RAI1: variants seen among roughly 807,000 people sequenced by gnomAD.
RAI1 encodes the protein retinoic acid-induced protein 1.
Under a neutral mutation model 123.8 loss-of-function variants are expected in RAI1, and 9 were observed. The ratio of observed to expected loss-of-function variants is 0.07; its 90% CI spans 0.04 to 0.13. The LOEUF (loss-of-function observed/expected upper bound fraction) is 0.13, where lower values mean the gene tolerates loss of function less well. RAI1 is among the 10% of genes least tolerant of loss of function. The probability of loss-of-function intolerance (pLI) is 1.00; values close to 1 mark genes in which losing one functional copy is unlikely to be tolerated. For missense variants in RAI1, 2,256 were observed against 2,545.8 expected (o/e 0.89, Z 2.45); for synonymous variants, 1,231 against 1,127.3 (o/e 1.09, Z -1.84).
rs370438752 is a variant in RAI1, at chr17:17,796,284, G to A, written c.3336G>A (p.Pro1112=). The part of the protein sequence containing the change: ...SPKAASSPSN[P]AALPVASDSS... ...AGGCTGCCTCCAGCCCCAGCAACCCGGCCGCCCTGCCTGTGGCCTCCGACA... is the reference window on the plus strand; with the variant it reads ...AGGCTGCCTCCAGCCCCAGCAACCCAGCCGCCCTGCCTGTGGCCTCCGACA... Residue 1112 remains proline, a synonymous_variant, in exon 3 of 6, where the codon CCG becomes CCA. Coordinates refer to ENST00000353383, the MANE Select transcript of RAI1 (RefSeq NM_030665.4). The surrounding 1 kb of genome is among the most constrained non-coding windows in gnomAD (Gnocchi z 5.8). The A allele has an allele frequency of 2.9e-5, 47 of 1,600,164 alleles. No individual in the cohort carries two copies. The highest frequency in any genetic ancestry group is 1.7e-4 in the Middle Eastern group (1 of 6,032).
Position 17,809,293 on chromosome 17 carries a change from C to T in RAI1, c.5660-97C>T. On this transcript the variant is annotated intron_variant, in intron 4 of 5. Transcript: ENST00000353383. This position sits in a 1 kb window ranked among gnomAD's most constrained non-coding sequence, Gnocchi z 4.9. ...AAAGAGCCCCTGCAGTCTGGAGCCT[C>T]GCGGGCAGTGCGGCTCCCCTCCTGG... 1.9e-6 allele frequency: 2 copies of T among 1,047,454 alleles called. No individual in the cohort carries two copies. Among genetic ancestry groups the T allele is most frequent in the South Asian group, 2.5e-5 (2 of 79,692 alleles). 64.9% of individuals were successfully genotyped at this position (1,047,454 alleles called of 1,614,324 possible).
Position 17,685,490 on chromosome 17 carries a change from G to A in RAI1, c.-149+3697G>A, listed in dbSNP as rs537808639. Reference sequence around the variant, plus strand: ...GTGAGAGGAGCATTCCTGGCAGAGGGAACACAGTGAGCAGAGCGAGTCTTT... The same window carrying A: ...GTGAGAGGAGCATTCCTGGCAGAGGAAACACAGTGAGCAGAGCGAGTCTTT... On this transcript the variant is annotated intron_variant, in intron 1 of 5. Transcript: ENST00000353383. This position sits in a 1 kb window ranked among gnomAD's most constrained non-coding sequence, Gnocchi z 4.0. Among the ~76,000 whole-genome samples the A allele has an allele frequency of 1.1e-4, 16 of 152,346 alleles. No homozygotes were observed. Among genetic ancestry groups the A allele is most frequent in the African/African-American group, 3.8e-4 (16 of 41,574 alleles).
At chr17:17,749,252 C>T (rs1236685663) in intron 2 of RAI1, among the ~76,000 whole-genome samples, 1 of 152,214 alleles carries the variant, frequency 6.6e-6, no homozygotes, top group Non-Finnish European at 1.5e-5. Flanking sequence ...ATAGCTCTCC[C>T]GGCTGGAGAC....
chr17:17,721,052 A>G (rs1915866118), intron 1 of RAI1, among the ~76,000 whole-genome samples: 1 of 151,460 alleles, frequency 6.6e-6, no homozygotes, highest in Non-Finnish European at 1.5e-5. Flanking sequence ...GTACTCACTG[A>G]GCGACCTGGA....
In RAI1 at chr17:17,796,790, C is replaced by G. The variant is rs766014989; in HGVS notation, c.3842C>G (p.Pro1281Arg). The change falls in exon 3 of 6, where the codon CCC becomes CGC. Residue 1281 changes from proline to arginine, a missense_variant. This residue lies in a region of RAI1 where 322 missense variants were observed against 358.0 expected (regional missense o/e 0.90). Transcript: ENST00000353383. The surrounding 1 kb of genome is among the most constrained non-coding windows in gnomAD (Gnocchi z 5.8). ...ATGTCTTCTCCCAAGAAAGCCAAGC[C>G]CACCAAGGGCAATGGCGAGCCTGCC... ...KRMSSPKKAK[P>R]TKGNGEPATK... The G allele has an allele frequency of 2.0e-5, 32 of 1,612,446 alleles. No individual in the cohort carries two copies. The highest frequency in any genetic ancestry group is 2.4e-5 in the Non-Finnish European group (28 of 1,179,424).
rs544401162 is a variant in RAI1, at chr17:17,690,552, G to A, written c.-149+8759G>A. 6.6e-5 allele frequency among the ~76,000 whole-genome samples: 10 copies of A among 152,256 alleles called. No homozygotes were observed. The East Asian group carries it at 1.2e-3, about 18-fold the overall frequency. On this transcript the variant is annotated intron_variant, in intron 1 of 5. Transcript: ENST00000353383. ...GCCCGTTTCCTCCTTCATCAAAGGC[G>A]AAAGTAATAGTACCTATTTCATAGT...
intron 1 of RAI1, among the ~76,000 whole-genome samples, chr17:17,721,134 T>C (rs1915868759): frequency 6.6e-6 from 1 of 152,046 alleles, no homozygotes; most frequent in South Asian, 2.1e-4. Flanking sequence ...CAGGTGAGTC[T>C]TCCGACATGT....
intron 1 of RAI1, among the ~76,000 whole-genome samples, chr17:17,695,588 G>T (rs1258360982): frequency 6.6e-6 from 1 of 150,866 alleles, no homozygotes; most frequent in Admixed American, 6.6e-5. Context: ...GTGCAGTGGC[G>T]TAATCTCCGC....
intron 1 of RAI1, among the ~76,000 whole-genome samples, chr17:17,696,860 T>C (rs1416791136): frequency 6.6e-6 from 1 of 152,218 alleles, no homozygotes; most frequent in East Asian, 1.9e-4. Context: ...ATTCGGGGCC[T>C]CCTTTGCCTG....
chr17:17,797,608 A>G lies in RAI1; in HGVS notation c.4660A>G (p.Lys1554Glu), dbSNP rs1253450554. 1 of 1,613,948 alleles carries G rather than the reference A, an allele frequency of 6.2e-7. No individual in the cohort carries two copies. Among genetic ancestry groups the G allele is most frequent in the South Asian group, 1.1e-5 (1 of 91,084 alleles). ...RAKNTTSSPC[K>E]GRAKRRRQQQ... is the part of the protein sequence containing the mutation. ...CAAGAACACCACCTCTTCACCCTGTAAGGGGCGTGCCAAGCGACGACGACA... is the reference window on the plus strand; with the variant it reads ...CAAGAACACCACCTCTTCACCCTGTGAGGGGCGTGCCAAGCGACGACGACA... Residue 1554 changes from lysine to glutamate, a missense_variant, in exon 3 of 6, where the codon AAG becomes GAG. Around this residue, in one of 7 missense-constraint regions of RAI1, gnomAD observed 410 missense variants for 374.6 expected, o/e 1.09. Transcript: ENST00000353383.
Position 17,796,431 on chromosome 17 carries a change from G to T in RAI1, c.3483G>T (p.Arg1161=), listed in dbSNP as rs2032252429. Residue 1161 remains arginine (R), a synonymous_variant, in exon 3 of 6, where the codon CGG becomes CGT. Coordinates refer to ENST00000353383, the MANE Select transcript of RAI1 (RefSeq NM_030665.4). The surrounding 1 kb of genome is among the most constrained non-coding windows in gnomAD (Gnocchi z 5.8). Reference sequence around the variant, plus strand: ...AGGAGATCTTCCACTCCAAGCGGCGGAGGCCCTCTGAGGGCCGGCTCCCCA... The same window carrying T: ...AGGAGATCTTCCACTCCAAGCGGCGTAGGCCCTCTGAGGGCCGGCTCCCCA... The part of the protein sequence containing the change: ...KTQEIFHSKR[R]RPSEGRLPNC... 1 of 1,613,328 alleles carries T rather than the reference G, an allele frequency of 6.2e-7. No individual in the cohort carries two copies. Among genetic ancestry groups the T allele is most frequent in the South Asian group, 1.1e-5 (1 of 91,072 alleles).
At chr17:17,763,217 C>T (rs920310732) in intron 2 of RAI1, among the ~76,000 whole-genome samples, 2 of 152,166 alleles carry the variant, frequency 1.3e-5, no homozygotes, top group African/African-American at 2.4e-5. Context: ...TAAGACACGC[C>T]GCATTTTCAG....
chr17:17,736,072 G>A (rs900606573), intron 2 of RAI1, among the ~76,000 whole-genome samples: 2 of 152,180 alleles, frequency 1.3e-5, no homozygotes. Flanking sequence ...GTTGAGTGTG[G>A]ATATCCATGT....
At chr17:17,681,832 T>C (rs117908897) in intron 1 of RAI1, 39 bp downstream of exon 1, 136,334 of 278,798 alleles carry the variant, frequency 0.49, 35,506 homozygotes, top group African/African-American at 0.66. Flanking sequence ...GCGCAGTGTA[T>C]CCTGCCCCGG....
At chr17:17,682,809 C>T (rs117550277) in intron 1 of RAI1, among the ~76,000 whole-genome samples, 3,504 of 152,056 alleles carry the variant, frequency 0.023, 126 homozygotes, top group East Asian at 0.13. Flanking sequence ...GGCCGGAGTG[C>T]GGGCTGCCGC....
intron 2 of RAI1, among the ~76,000 whole-genome samples, chr17:17,775,992 C>T (rs912402066): frequency 1.3e-5 from 2 of 152,240 alleles, no homozygotes; most frequent in African/African-American, 4.8e-5. Context: ...CTGCTGCGTC[C>T]CCCAAAGCTG....
chr17:17,796,506 A>G lies in RAI1; in HGVS notation c.3558A>G (p.Thr1186=), dbSNP rs148777704. 123 of 1,611,146 alleles carry G rather than the reference A, an allele frequency of 7.6e-5. No individual in the cohort carries two copies. Among genetic ancestry groups the G allele is most frequent in the Non-Finnish European group, 1.0e-4 (119 of 1,179,820 alleles). The change falls in exon 3 of 6, where the codon ACA becomes ACG. Residue 1186 remains threonine (T), a synonymous_variant. Coordinates refer to ENST00000353383, the MANE Select transcript of RAI1 (RefSeq NM_030665.4). This position sits in a 1 kb window ranked among gnomAD's most constrained non-coding sequence, Gnocchi z 5.8. Reference sequence around the variant, plus strand: ...TCGACAACAGCCACTTGCCCGCCACATTCAAGGTCTCCAGCAGCCCCCAGA... The same window carrying G: ...TCGACAACAGCCACTTGCCCGCCACGTTCAAGGTCTCCAGCAGCCCCCAGA... ...KLLDNSHLPA[T]FKVSSSPQKE...
At position 17,797,809 on chromosome 17, in the gene RAI1, C is replaced by A; in HGVS notation, c.4861C>A (p.Pro1621Thr). 1 of 1,614,028 alleles carries A rather than the reference C, an allele frequency of 6.2e-7. No individual in the cohort carries two copies. The change falls in exon 3 of 6, where the codon CCC becomes ACC. Residue 1621 changes from proline (P) to threonine (T), a missense_variant. Around this residue, in one of 7 missense-constraint regions of RAI1, gnomAD observed 410 missense variants for 374.6 expected, o/e 1.09. Coordinates refer to ENST00000353383, the MANE Select transcript of RAI1 (RefSeq NM_030665.4). ...TGTTGTCAACTCCCCTGGAGATGCG[C>A]CCAAGCCCCACAGGAAGCCTTCCTC... Reference protein sequence around the residue: ...CTVVNSPGDAPKPHRKPSSSA... With the variant: ...CTVVNSPGDATKPHRKPSSSA...
At chr17:17,705,301 T>C (rs1915357981) in intron 1 of RAI1, among the ~76,000 whole-genome samples, 2 of 152,222 alleles carry the variant, frequency 1.3e-5, no homozygotes, top group African/African-American at 2.4e-5. Context: ...TTTGTTTGCT[T>C]TATCACCAAT....
Sources: gnomAD v4.1 joint callset for allele counts (sites outside exome capture counted in the v4.1 genomes callset) on GRCh38, gnomAD v4.1.1 for gene constraint, gnomAD v4.1.1 regional missense constraint, Gnocchi (gnomAD v3.1) non-coding constraint, MANE v1.5 for transcripts, NCBI Gene and HGNC (gene_info 2026-07-23, HGNC 2026-07-21) for gene names.